The following NFATC2 variants were observed in gnomAD, a reference collection of about 807,000 sequenced individuals.
The protein encoded by NFATC2 is nuclear factor of activated T-cells, cytoplasmic 2.
In NFATC2, 22 loss-of-function variants were observed where a neutral mutation model predicts 87.3. The ratio of observed to expected loss-of-function variants is 0.25; its 90% CI spans 0.18 to 0.36. NFATC2 has a LOEUF of 0.36. NFATC2 is among the 10% of genes least tolerant of loss of function. The pLI is 1.00. For missense variants in NFATC2, 1,149 were observed against 1,259.1 expected, an observed-to-expected ratio of 0.91 and a Z score of 1.32; for synonymous variants, 565 against 542.2, an observed-to-expected ratio of 1.04 and a Z score of -0.58.
intron 9 of NFATC2, among the ~76,000 whole-genome samples, chr20:51,402,390 C>T (rs1311868045): frequency 2.6e-5 from 4 of 152,018 alleles, no homozygotes; most frequent in Admixed American, 2.0e-4. Flanking sequence ...CCTTGTCCTT[C>T]AGCCAGTTCA....
chr20:51,393,576 G>A (rs889581284), intron 10 of NFATC2, among the ~76,000 whole-genome samples: 1 of 152,174 alleles, frequency 6.6e-6, no homozygotes, highest in Non-Finnish European at 1.5e-5. Context: ...ACTCCCAGGG[G>A]CCCTAAACCA....
intron 4 of NFATC2, among the ~76,000 whole-genome samples, chr20:51,475,239 G>C (rs1265535505): frequency 1.3e-5 from 2 of 152,092 alleles, no homozygotes; most frequent in African/African-American, 4.8e-5. Flanking sequence ...AAAGCGCTAG[G>C]ATTACAGGCG....
intron 3 of NFATC2, among the ~76,000 whole-genome samples, chr20:51,477,557 AT>A (rs1568667097): frequency 2.5e-4 from 30 of 121,310 alleles, no homozygotes; most frequent in Middle Eastern, 3.7e-3. Context: ...ATATATATAT[AT>A]ATATATATAT....
At chr20:51,536,908 C>CA (rs1379975887) in intron 1 of NFATC2, among the ~76,000 whole-genome samples, 1 of 152,046 alleles carries the variant, frequency 6.6e-6, no homozygotes, top group Non-Finnish European at 1.5e-5. Flanking sequence ...AACACACACA[C>CA]ACACACACAC....
At chr20:51,492,258 C>A (rs1036542995) in intron 3 of NFATC2, among the ~76,000 whole-genome samples, 17 of 151,848 alleles carry the variant, frequency 1.1e-4, no homozygotes, top group African/African-American at 4.1e-4. Context: ...AGCCTCCACC[C>A]GCTGGCACCA....
chr20:51,544,724 T>C (rs1226630088), upstream of NFATC2, among the ~76,000 whole-genome samples: 1 of 152,232 alleles, frequency 6.6e-6, no homozygotes, highest in Non-Finnish European at 1.5e-5. Context: ...TTCAACGACC[T>C]GAGCACCACC....
At chr20:51,509,470 A>G (rs2076238238) in intron 3 of NFATC2, among the ~76,000 whole-genome samples, 1 of 151,680 alleles carries the variant, frequency 6.6e-6, no homozygotes, top group Admixed American at 6.6e-5. Flanking sequence ...TCCTCCTCCA[A>G]TTTTTTGGAA....
chr20:51,492,207 G>A (rs886754696), intron 3 of NFATC2, among the ~76,000 whole-genome samples: 2 of 151,858 alleles, frequency 1.3e-5, no homozygotes, highest in African/African-American at 4.8e-5. Context: ...CTGTCTAGAC[G>A]AGGTCCCTGG....
At position 51,524,024 on chromosome 20, in the gene NFATC2, T is replaced by A; in HGVS notation, c.217A>T (p.Ser73Cys). Residue 73 changes from serine (S) to cysteine (C), a missense_variant, in exon 2 of 11, where the codon AGC becomes TGC. Ser to Cys is a moderately radical substitution (Grantham distance 112). This residue lies in a region of NFATC2 where 563 missense variants were observed against 585.2 expected (regional missense o/e 0.96). Transcript: ENST00000371564. This position sits in a 1 kb window ranked among gnomAD's most constrained non-coding sequence, Gnocchi z 4.0. ...DVLDYGLKPYSPLASLSGEPP... is the reference protein window; with the variant it reads ...DVLDYGLKPYCPLASLSGEPP... ...TCGCCAGAGAGACTAGCAAGGGGGCTGTATGGCTTGAGGCCATAGTCCAGG... is the reference window on the plus strand; with the variant it reads ...TCGCCAGAGAGACTAGCAAGGGGGCAGTATGGCTTGAGGCCATAGTCCAGG... 6.4e-7 allele frequency: 1 copy of A among 1,552,924 alleles called. No homozygotes were observed.
intron 3 of NFATC2, among the ~76,000 whole-genome samples, chr20:51,509,430 C>T (rs1459952643): frequency 6.6e-6 from 1 of 152,116 alleles, no homozygotes; most frequent in Admixed American, 6.6e-5. Flanking sequence ...AATAAATGAG[C>T]AAATGAACCC....
At chr20:51,488,691 T>C (rs2075826531) in intron 3 of NFATC2, among the ~76,000 whole-genome samples, 1 of 152,162 alleles carries the variant, frequency 6.6e-6, no homozygotes, top group Non-Finnish European at 1.5e-5. Flanking sequence ...CTCCCACTTT[T>C]CACGTTCTCA....
rs570513996 is a variant in NFATC2, at chr20:51,552,204, G to A, written c.70+10356C>T. Among the ~76,000 whole-genome samples the A allele has an allele frequency of 1.6e-3, 244 of 152,262 alleles. 2 individuals carry two copies. The highest frequency in any genetic ancestry group is 5.5e-3 in the African/African-American group (229 of 41,548). ...AAACAGGAGGATGGCTTGAGCCCAG[G>A]AGGCTGACGCTGCAGTGAGCCGTGT... On this transcript the variant is annotated intron_variant, in intron 1 of 10. Coordinates refer to the NFATC2 transcript ENST00000414705.
intron 1 of NFATC2, among the ~76,000 whole-genome samples, chr20:51,556,106 G>A (rs900637639): frequency 6.6e-6 from 1 of 152,166 alleles, no homozygotes; most frequent in African/African-American, 2.4e-5. Context: ...AGGCAGAGAT[G>A]GGAGTGACAC....
At chr20:51,477,540 T>TATAC (rs1988828641) in intron 3 of NFATC2, among the ~76,000 whole-genome samples, 1 of 47,760 alleles carries the variant, frequency 2.1e-5, no homozygotes, top group Non-Finnish European at 3.7e-5. Flanking sequence ...TGTGTCTATA[T>TATAC]ATATATATAT....
intron 3 of NFATC2, among the ~76,000 whole-genome samples, chr20:51,497,604 G>A (rs562876124): frequency 5.3e-5 from 8 of 152,232 alleles, no homozygotes; most frequent in South Asian, 2.1e-4. Context: ...ATAGACGTTC[G>A]CCTGAGCCCA....
chr20:51,481,592 C>T lies in NFATC2; in HGVS notation c.1333-5932G>A, dbSNP rs1006674006. Among the ~76,000 whole-genome samples, 10 of 152,186 alleles carry T rather than the reference C, an allele frequency of 6.6e-5. No homozygotes were observed. The South Asian group carries it at 8.3e-4, about 13-fold the overall frequency. ...TGCACACCGTGAAGGGCTGAATGCA[C>T]GGGAGGGGAGTGTCTGTGGCGTCTG... is the stretch of plus-strand genomic sequence containing the variant. On this transcript the variant is annotated intron_variant, in intron 3 of 10. Transcript: ENST00000371564.
chr20:51,520,343 A>G (rs1430502722), intron 2 of NFATC2, among the ~76,000 whole-genome samples: 1 of 152,178 alleles, frequency 6.6e-6, no homozygotes. Flanking sequence ...CAATGTAGTC[A>G]TTAACTAGCT....
intron 9 of NFATC2, among the ~76,000 whole-genome samples, chr20:51,401,335 C>CAA (rs111796730): frequency 6.7e-6 from 1 of 148,354 alleles, no homozygotes; most frequent in Admixed American, 6.7e-5. Flanking sequence ...AAGACTGTCT[C>CAA]AAAAAAATAA....
intron 9 of NFATC2, among the ~76,000 whole-genome samples, chr20:51,423,232 G>A (rs1023068207): frequency 1.4e-5 from 2 of 143,280 alleles, no homozygotes; most frequent in African/African-American, 5.2e-5. Context: ...TAAGGCTGCA[G>A]TGAGCTATGG....
Sources: gnomAD v4.1 joint callset for allele counts (sites outside exome capture counted in the v4.1 genomes callset) on GRCh38, gnomAD v4.1.1 for gene constraint, gnomAD v4.1.1 regional missense constraint, Gnocchi (gnomAD v3.1) non-coding constraint, MANE v1.5 for transcripts, NCBI Gene and HGNC (gene_info 2026-07-23, HGNC 2026-07-21) for gene names.